Variants in CAPN9 observed in about 807,000 individuals in gnomAD.
CAPN9 encodes calpain 9, also known as calpain-9.
A neutral mutation model predicts 92.8 loss-of-function variants in CAPN9; 81 were observed. The ratio of observed to expected loss-of-function variants is 0.87; its 90% CI spans 0.73 to 1.05. The LOEUF (loss-of-function observed/expected upper bound fraction) is 1.05. CAPN9 is among the 50% of genes least tolerant of loss of function. The probability of loss-of-function intolerance (pLI) is 0.00; values close to 1 mark genes in which losing one functional copy is unlikely to be tolerated. For missense variants in CAPN9, 848 were observed against 866.2 expected, an observed-to-expected ratio of 0.98 and a Z score of 0.26; for synonymous variants, 304 against 328.0, an observed-to-expected ratio of 0.93 and a Z score of 0.79.
At chr1:230,771,352 C>T (rs1666376883) in intron 6 of CAPN9, among the ~76,000 whole-genome samples, 1 of 152,258 alleles carries the variant, frequency 6.6e-6, no homozygotes. Context: ...CTCTAAAACC[C>T]TTCTCAAATG....
At chr1:230,788,080 T>G (rs1667733470) in intron 13 of CAPN9, among the ~76,000 whole-genome samples, 1 of 152,124 alleles carries the variant, frequency 6.6e-6, no homozygotes, top group Non-Finnish European at 1.5e-5. Flanking sequence ...CTCAAACTCC[T>G]AGGCTCAAGC....
At chr1:230,779,792 C>G (rs1319169377) in intron 9 of CAPN9, among the ~76,000 whole-genome samples, 1 of 152,126 alleles carries the variant, frequency 6.6e-6, no homozygotes, top group Non-Finnish European at 1.5e-5. Context: ...AACGGCCCAC[C>G]ATCAAGTAGA....
At position 230,780,261 on chromosome 1, in the gene CAPN9, C is replaced by G. The variant is rs780901551; in HGVS notation, c.1197C>G (p.Ala399=). The G allele has an allele frequency of 3.1e-6, 5 of 1,613,646 alleles. No individual in the cohort carries two copies. In the African/African-American group the frequency reaches 6.7e-5, roughly 22 times the overall value. ...EGQEECSFLV[A]LMQKDRRKLK... ...AGGAGGAGTGTAGTTTCCTTGTAGC[C>G]CTGATGCAGAAAGATAGAAGGAAAC... The change falls in exon 10 of 20, where the codon GCC becomes GCG. Residue 399 remains alanine, a synonymous_variant. Transcript: ENST00000271971.
chr1:230,750,208 C>T (rs1033024385), intron 1 of CAPN9, among the ~76,000 whole-genome samples: 1 of 152,206 alleles, frequency 6.6e-6, no homozygotes, highest in Non-Finnish European at 1.5e-5. Flanking sequence ...AGATGCACCC[C>T]GACCTGCCAC....
At chr1:230,748,227 G>A (rs905288682) in intron 1 of CAPN9, among the ~76,000 whole-genome samples, 1 of 152,170 alleles carries the variant, frequency 6.6e-6, no homozygotes, top group African/African-American at 2.4e-5. Context: ...CCCATTCCCA[G>A]AGATCAGGGT....
rs755136854 is a variant in CAPN9, at chr1:230,780,342, TG to T, written c.1272+9del. 10 of 1,613,526 alleles carry T rather than the reference TG, an allele frequency of 6.2e-6. No homozygotes were observed. The Admixed American group carries it at 1.0e-4, about 16-fold the overall frequency. On this transcript the variant is annotated splice_region_variant and intron_variant, in intron 10 of 19. Transcript: ENST00000271971. ...TCGGCTATGCCATTTATGAGGTAGGTGGGAACCACACTGCATTTCAGAGTTC... is the reference window on the plus strand; with the variant it reads ...TCGGCTATGCCATTTATGAGGTAGGTGGAACCACACTGCATTTCAGAGTTC...
intron 3 of CAPN9, among the ~76,000 whole-genome samples, chr1:230,761,983 T>TCA (rs1039607675): frequency 2.2e-4 from 33 of 152,364 alleles, no homozygotes; most frequent in African/African-American, 7.9e-4. Flanking sequence ...ACACATGCTT[T>TCA]CACACATGCA....
intron 5 of CAPN9, among the ~76,000 whole-genome samples, chr1:230,768,882 C>T (rs573817515): frequency 6.6e-6 from 1 of 152,306 alleles, no homozygotes; most frequent in African/African-American, 2.4e-5. Context: ...TCTTCTCTCT[C>T]ACACTATACT....
chr1:230,786,739 G>A (rs951983312), intron 12 of CAPN9, among the ~76,000 whole-genome samples: 6 of 149,986 alleles, frequency 4.0e-5, no homozygotes, highest in Admixed American at 6.6e-5. Flanking sequence ...GAAGGCTGCC[G>A]CTTCTGAAGT....
chr1:230,754,308 A>G (rs1451975679), intron 1 of CAPN9, among the ~76,000 whole-genome samples: 2 of 151,030 alleles, frequency 1.3e-5, no homozygotes, highest in African/African-American at 2.5e-5. Flanking sequence ...TTTTTTGTTC[A>G]TGTTTTATAA....
intron 1 of CAPN9, among the ~76,000 whole-genome samples, chr1:230,750,681 C>T (rs547828901): frequency 4.6e-5 from 7 of 152,300 alleles, no homozygotes; most frequent in South Asian, 2.1e-4. Flanking sequence ...TGGGGCTGGA[C>T]GGCCCTCCTC....
intron 14 of CAPN9, 34 bp from the exon 15 acceptor site, chr1:230,791,830 G>T: frequency 1.3e-6 from 2 of 1,571,398 alleles, no homozygotes; most frequent in South Asian, 1.1e-5. Flanking sequence ...ATCTTATCGG[G>T]TCAACTGAAT....
intron 8 of CAPN9, chr1:230,776,296 C>T (rs1487333069): frequency 6.6e-6 from 1 of 152,232 alleles, no homozygotes; most frequent in Non-Finnish European, 1.5e-5. Flanking sequence ...GCTCCACCCT[C>T]ACAACCTAGT....
At chr1:230,773,434 A>G (rs1388369999) in intron 7 of CAPN9, among the ~76,000 whole-genome samples, 1 of 152,192 alleles carries the variant, frequency 6.6e-6, no homozygotes, top group Non-Finnish European at 1.5e-5. Context: ...CGTAGCCTAT[A>G]AAGGGAAAAT....
intron 11 of CAPN9, among the ~76,000 whole-genome samples, chr1:230,781,034 T>C (rs576355282): frequency 4.0e-5 from 6 of 151,716 alleles, no homozygotes; most frequent in Middle Eastern, 3.4e-3. Flanking sequence ...CCTGGCTAAT[T>C]TTTTTTGTAT....
In CAPN9 at chr1:230,779,119, GC is replaced by G; in HGVS notation, c.1102del (p.Arg368AlafsTer13). On this transcript the variant is annotated frameshift_variant, in exon 9 of 20. Coordinates refer to ENST00000271971, the MANE Select transcript of CAPN9 (RefSeq NM_006615.3). LOFTEE classifies it high-confidence loss of function. ...SWVRGSTAGG[C>X]RNFLDTFWTN... ...GTTCGCGGCTCCACGGCTGGGGGCT[GC>G]CGCAATTTCCTGGGTAGGTAGGCTG... The G allele has an allele frequency of 6.2e-7, 1 of 1,612,354 alleles. No individual in the cohort carries two copies. Among genetic ancestry groups the G allele is most frequent in the East Asian group, 2.2e-5 (1 of 44,854 alleles).
At chr1:230,788,045 G>A (rs1235446364) in intron 13 of CAPN9, among the ~76,000 whole-genome samples, 1 of 152,104 alleles carries the variant, frequency 6.6e-6, no homozygotes, top group Admixed American at 6.5e-5. Flanking sequence ...ATAATAAAGA[G>A]TCTTGCTATG....
At chr1:230,780,735 T>C in intron 11 of CAPN9, 27 bp downstream of exon 11, 1 of 1,590,328 alleles carries the variant, frequency 6.3e-7, no homozygotes, top group Non-Finnish European at 8.6e-7. Flanking sequence ...GCTTCCAGAA[T>C]CCCACTTCTT....
At chr1:230,763,309 C>T (rs1191916896) in intron 4 of CAPN9, among the ~76,000 whole-genome samples, 1 of 152,076 alleles carries the variant, frequency 6.6e-6, no homozygotes. Context: ...TAAGTACATC[C>T]ATGTTGTTGT....
Sources: gnomAD v4.1 joint callset for allele counts (sites outside exome capture counted in the v4.1 genomes callset) on GRCh38, gnomAD v4.1.1 for gene constraint, MANE v1.5 for transcripts, NCBI Gene and HGNC (gene_info 2026-07-23, HGNC 2026-07-21) for gene names.